NXPH1: variants seen among roughly 807,000 people sequenced by gnomAD.
NXPH1 encodes the protein neurexophilin 1.
Under a neutral mutation model 23.7 loss-of-function variants are expected in NXPH1, and 5 were observed. The observed-to-expected ratio is 0.21, with a 90% CI of 0.11 to 0.44. The LOEUF is 0.44. Among genes scored for constraint, NXPH1 ranks in the 20% least tolerant of loss-of-function variants. The pLI is 0.99. For synonymous variants in NXPH1, 144 were observed against 122.2 expected (o/e 1.18, Z -1.18); for missense variants, 324 against 321.6 (o/e 1.01, Z -0.06).
At chr7:8,450,681 A>G (rs1355394531) in intron 2 of NXPH1, among the ~76,000 whole-genome samples, 1 of 152,256 alleles carries the variant, frequency 6.6e-6, no homozygotes, top group Non-Finnish European at 1.5e-5. Flanking sequence ...TTGGGGCAAA[A>G]AATTAAATGT....
intron 2 of NXPH1, among the ~76,000 whole-genome samples, chr7:8,664,096 C>G (rs1219583625): frequency 3.3e-5 from 5 of 152,016 alleles, no homozygotes; most frequent in Non-Finnish European, 2.9e-5. Flanking sequence ...CTTTCTATCC[C>G]TAACACATTT....
At chr7:8,710,991 T>G (rs1779786283) in intron 2 of NXPH1, among the ~76,000 whole-genome samples, 1 of 152,218 alleles carries the variant, frequency 6.6e-6, no homozygotes, top group Non-Finnish European at 1.5e-5. Flanking sequence ...ACAAGGATAC[T>G]GTATTCCATG....
chr7:8,513,127 A>T (rs925762145), intron 2 of NXPH1, among the ~76,000 whole-genome samples: 1 of 152,106 alleles, frequency 6.6e-6, no homozygotes, highest in Non-Finnish European at 1.5e-5. Context: ...AAAGTGCCCA[A>T]CTACCCAAGT....
chr7:8,436,193 A>G (rs1458770310), intron 2 of NXPH1, among the ~76,000 whole-genome samples: 1 of 152,154 alleles, frequency 6.6e-6, no homozygotes, highest in Non-Finnish European at 1.5e-5. Context: ...TTAAAAGTGA[A>G]TCTACCCACC....
Position 8,751,121 on chromosome 7 carries a change from C to A in NXPH1, c.168C>A (p.Ser56Arg), listed in dbSNP as rs763017131. The A allele has an allele frequency of 4.3e-6, 7 of 1,613,672 alleles. No homozygotes were observed. Among genetic ancestry groups the A allele is most frequent in the Non-Finnish European group, 5.9e-6 (7 of 1,179,782 alleles). The change falls in exon 3 of 3, where the codon AGC becomes AGA. Residue 56 changes from serine (S) to arginine (R), a missense_variant. Coordinates refer to ENST00000405863, the MANE Select transcript of NXPH1 (RefSeq NM_152745.3). The surrounding 1 kb of genome is among the most constrained non-coding windows in gnomAD (Gnocchi z 4.5). Reference sequence around the variant, plus strand: ...AAAGCAGCAAAGACTTGTCTATCAGCCGACTCCTGTCACAGACTTTTCGTG... The same window carrying A: ...AAAGCAGCAAAGACTTGTCTATCAGACGACTCCTGTCACAGACTTTTCGTG... Reference protein sequence around the residue: ...WTESSKDLSISRLLSQTFRGK... With the variant: ...WTESSKDLSIRRLLSQTFRGK...
At chr7:8,731,073 C>T (rs544125529) in intron 2 of NXPH1, among the ~76,000 whole-genome samples, 43 of 150,640 alleles carry the variant, frequency 2.9e-4, no homozygotes, top group African/African-American at 8.8e-4. Flanking sequence ...CTTCCCTTCT[C>T]GCTTCATTTC....
chr7:8,553,057 A>T (rs1447774990), intron 2 of NXPH1, among the ~76,000 whole-genome samples: 1 of 151,572 alleles, frequency 6.6e-6, no homozygotes, highest in Admixed American at 6.6e-5. Context: ...CCTTCCAGTG[A>T]TCCCTTTTAT....
At chr7:8,677,156 C>A (rs929222244) in intron 2 of NXPH1, among the ~76,000 whole-genome samples, 1 of 152,020 alleles carries the variant, frequency 6.6e-6, no homozygotes, top group African/African-American at 2.4e-5. Context: ...GGTATTGAGA[C>A]CTAAGGAAAC....
At chr7:8,655,406 C>G (rs1219902751) in intron 2 of NXPH1, among the ~76,000 whole-genome samples, 25 of 10,232 alleles carry the variant, frequency 2.4e-3, no homozygotes, top group Non-Finnish European at 2.0e-4. Context: ...GTCTTTCTCT[C>G]TCTCTCTCTC....
At chr7:8,660,746 C>A (rs1359739705) in intron 2 of NXPH1, among the ~76,000 whole-genome samples, 1 of 152,106 alleles carries the variant, frequency 6.6e-6, no homozygotes, top group Non-Finnish European at 1.5e-5. Flanking sequence ...GGAAAAGATT[C>A]ACAATCTTTC....
At position 8,721,247 on chromosome 7, in the gene NXPH1, C is replaced by CGGGG. The variant is rs1217618520; in HGVS notation, c.55-29761_55-29760insGGGG. 2.0e-4 allele frequency among the ~76,000 whole-genome samples: 31 copies of CGGGG among 152,062 alleles called. 1 individual carries two copies. In the South Asian group the frequency reaches 4.6e-3, roughly 22 times the overall value. ...CAGAAAATTTATACACACATACATA[C>CGGGG]ATATATGCATAAATATGAGAGAGAG... On this transcript the variant is annotated intron_variant, in intron 2 of 2. Transcript: ENST00000405863.
intron 2 of NXPH1, among the ~76,000 whole-genome samples, chr7:8,711,063 T>C (rs1779787146): frequency 6.6e-6 from 1 of 152,226 alleles, no homozygotes; most frequent in Non-Finnish European, 1.5e-5. Context: ...GTTTTAAATT[T>C]AGATATGGCA....
intron 2 of NXPH1, among the ~76,000 whole-genome samples, chr7:8,529,577 C>A (rs910608371): frequency 4.6e-5 from 7 of 152,194 alleles, no homozygotes; most frequent in Non-Finnish European, 1.0e-4. Context: ...CAGGATCAGG[C>A]AGCCTGCATT....
intron 2 of NXPH1, among the ~76,000 whole-genome samples, chr7:8,611,426 A>G (rs1377325208): frequency 6.6e-6 from 1 of 152,164 alleles, no homozygotes; most frequent in Non-Finnish European, 1.5e-5. Flanking sequence ...TAAAGACCAA[A>G]TCTCTGAAGA....
chr7:8,491,833 C>G (rs1817252606), intron 2 of NXPH1, among the ~76,000 whole-genome samples: 1 of 152,066 alleles, frequency 6.6e-6, no homozygotes, highest in African/African-American at 2.4e-5. Flanking sequence ...TTTTCATTTT[C>G]TTTTGCAGCT....
chr7:8,464,852 G>A (rs184752981), intron 2 of NXPH1, among the ~76,000 whole-genome samples: 6 of 152,296 alleles, frequency 3.9e-5, no homozygotes, highest in African/African-American at 1.2e-4. Flanking sequence ...CATTGGGATG[G>A]CATCCTTTAT....
chr7:8,563,770 C>T (rs186393388), intron 2 of NXPH1, among the ~76,000 whole-genome samples: 1 of 151,902 alleles, frequency 6.6e-6, no homozygotes, highest in Non-Finnish European at 1.5e-5. Flanking sequence ...AAGGCAGCCA[C>T]TGTGCTCTGC....
At chr7:8,498,174 A>G (rs570053465) in intron 2 of NXPH1, among the ~76,000 whole-genome samples, 10 of 152,180 alleles carry the variant, frequency 6.6e-5, no homozygotes, top group Admixed American at 1.3e-4. Flanking sequence ...CAAGTACCTT[A>G]TTTAGATGGA....
At chr7:8,656,273 C>A (rs552196389) in intron 2 of NXPH1, among the ~76,000 whole-genome samples, 2 of 152,236 alleles carry the variant, frequency 1.3e-5, no homozygotes, top group South Asian at 4.1e-4. Flanking sequence ...ATCACAAAAA[C>A]ACAAGTAGGT....
Sources: gnomAD v4.1 joint callset for allele counts (sites outside exome capture counted in the v4.1 genomes callset) on GRCh38, gnomAD v4.1.1 for gene constraint, Gnocchi (gnomAD v3.1) non-coding constraint, MANE v1.5 for transcripts, NCBI Gene and HGNC (gene_info 2026-07-23, HGNC 2026-07-21) for gene names.